The following TYR variants were observed in gnomAD, a reference collection of about 807,000 sequenced individuals.
TYR encodes the protein LB24-AB.
A neutral mutation model predicts 51.5 loss-of-function variants in TYR; 58 were observed. The ratio of observed to expected loss-of-function variants is 1.13; its 90% CI spans 0.91 to 1.40. The LOEUF (loss-of-function observed/expected upper bound fraction) is 1.40, where lower values mean the gene tolerates loss of function less well. Ranked by LOEUF, TYR falls within the 40% of genes most tolerant of loss-of-function variation. The probability of loss-of-function intolerance (pLI) is 0.00; values close to 1 mark genes in which losing one functional copy is unlikely to be tolerated. For missense variants in TYR, 732 were observed against 647.4 expected, an observed-to-expected ratio of 1.13 and a Z score of -1.42; for synonymous variants, 263 against 235.2, an observed-to-expected ratio of 1.12 and a Z score of -1.08.
At chr11:89,284,346 C>T (rs1252741185) in intron 3 of TYR, among the ~76,000 whole-genome samples, 1 of 151,766 alleles carries the variant, frequency 6.6e-6, no homozygotes, top group Non-Finnish European at 1.5e-5. Flanking sequence ...TCATTGAAAG[C>T]CTCCCACCAG....
At chr11:89,237,818 A>G (rs1458529696) in intron 3 of TYR, among the ~76,000 whole-genome samples, 1 of 151,422 alleles carries the variant, frequency 6.6e-6, no homozygotes, top group South Asian at 2.1e-4. Context: ...CAAATTTTGT[A>G]TTTTATTATT....
At chr11:89,209,749 C>T (rs1360223974) in intron 2 of TYR, among the ~76,000 whole-genome samples, 5 of 152,054 alleles carry the variant, frequency 3.3e-5, no homozygotes, top group African/African-American at 9.7e-5. Flanking sequence ...CCCTCTGGGA[C>T]GAAGCTTCCA....
intron 1 of TYR, 69 bp downstream of exon 1, chr11:89,178,841 A>G: frequency 6.6e-7 from 1 of 1,525,828 alleles, no homozygotes; most frequent in South Asian, 1.1e-5. Flanking sequence ...CAGGCAGGGT[A>G]TAAACTTCTC....
chr11:89,215,184 G>T (rs1257346407), intron 2 of TYR, among the ~76,000 whole-genome samples: 1 of 152,226 alleles, frequency 6.6e-6, no homozygotes, highest in South Asian at 2.1e-4. Context: ...ATTTTATAAA[G>T]AATTACTTGG....
intron 3 of TYR, among the ~76,000 whole-genome samples, chr11:89,256,921 C>T: frequency 6.6e-6 from 1 of 151,772 alleles, no homozygotes; most frequent in East Asian, 1.9e-4. Context: ...AGAACTAGAT[C>T]TCAGATTTTT....
intron 2 of TYR, among the ~76,000 whole-genome samples, chr11:89,222,277 AC>A (rs1943921882): frequency 1.3e-5 from 2 of 152,246 alleles, no homozygotes; most frequent in African/African-American, 4.8e-5. Context: ...TGTTAGAACG[AC>A]CCGGAGTGGT....
chr11:89,267,678 T>A (rs1054890377), intron 3 of TYR, among the ~76,000 whole-genome samples: 5 of 152,130 alleles, frequency 3.3e-5, no homozygotes, highest in African/African-American at 1.2e-4. Flanking sequence ...TCTATGGACA[T>A]AGCAGTGAAC....
At chr11:89,293,030 T>TACA (rs1944867389) in intron 4 of TYR, among the ~76,000 whole-genome samples, 1 of 152,160 alleles carries the variant, frequency 6.6e-6, no homozygotes, top group Admixed American at 6.5e-5. Context: ...GGGAGGTTGT[T>TACA]GGTAGTAATA....
intron 2 of TYR, among the ~76,000 whole-genome samples, chr11:89,214,411 G>A (rs1180164685): frequency 6.6e-6 from 1 of 152,166 alleles, no homozygotes; most frequent in Non-Finnish European, 1.5e-5. Flanking sequence ...TAGAGAAATA[G>A]GAACCCTTTT....
chr11:89,271,412 T>C (rs1298630287), intron 3 of TYR, among the ~76,000 whole-genome samples: 1 of 151,958 alleles, frequency 6.6e-6, no homozygotes, highest in African/African-American at 2.4e-5. Flanking sequence ...TATATTGTAG[T>C]ATATTTATGG....
chr11:89,237,499 A>T (rs1042778969), intron 3 of TYR, among the ~76,000 whole-genome samples: 3 of 152,288 alleles, frequency 2.0e-5, no homozygotes, highest in Admixed American at 6.5e-5. Flanking sequence ...AAAATCAATC[A>T]TAAATGCTTG....
At chr11:89,270,044 A>G (rs1205215366) in intron 3 of TYR, among the ~76,000 whole-genome samples, 1 of 151,784 alleles carries the variant, frequency 6.6e-6, no homozygotes, top group Non-Finnish European at 1.5e-5. Context: ...TGCATGGCTT[A>G]AAATCCTCCA....
chr11:89,234,892 CAT>C (rs150889713), intron 3 of TYR, among the ~76,000 whole-genome samples: 3,138 of 151,404 alleles, frequency 0.021, 102 homozygotes, highest in African/African-American at 0.07. Flanking sequence ...AAAGTGAACA[CAT>C]GTTGGAAAAA....
intron 2 of TYR, among the ~76,000 whole-genome samples, chr11:89,222,235 G>C (rs909316156): frequency 6.6e-6 from 1 of 152,168 alleles, no homozygotes; most frequent in East Asian, 1.9e-4. Flanking sequence ...GATCAGTCCA[G>C]CTTAATTCAG....
At chr11:89,197,727 C>T (rs1943539871) in intron 2 of TYR, among the ~76,000 whole-genome samples, 1 of 151,916 alleles carries the variant, frequency 6.6e-6, no homozygotes, top group African/African-American at 2.4e-5. Context: ...GAATCAGAAG[C>T]TCTCGGTGAC....
chr11:89,277,692 C>T (rs1163131601), intron 3 of TYR, among the ~76,000 whole-genome samples: 2 of 151,674 alleles, frequency 1.3e-5, no homozygotes, highest in East Asian at 3.9e-4. Flanking sequence ...GTAATACAAA[C>T]ACTTTGCTCA....
chr11:89,281,680 A>C (rs182444327), intron 3 of TYR, among the ~76,000 whole-genome samples: 1 of 151,924 alleles, frequency 6.6e-6, no homozygotes. Flanking sequence ...TGGGTCCAAG[A>C]AAATTTGTTG....
At chr11:89,186,115 G>A (rs572639022) in intron 1 of TYR, among the ~76,000 whole-genome samples, 1 of 152,254 alleles carries the variant, frequency 6.6e-6, no homozygotes, top group African/African-American at 2.4e-5. Context: ...GAATGGAGAA[G>A]CACAAGCAGT....
intron 2 of TYR, among the ~76,000 whole-genome samples, chr11:89,197,574 C>T (rs148480107): frequency 6.0e-4 from 91 of 152,206 alleles, no homozygotes; most frequent in African/African-American, 2.2e-3. Flanking sequence ...TTGATATTAT[C>T]CTACCTATAC....
Sources: allele counts gnomAD v4.1 joint callset (sites outside exome capture counted in the v4.1 genomes callset), GRCh38; gene constraint gnomAD v4.1.1; transcripts MANE v1.5; gene names NCBI Gene and HGNC (gene_info 2026-07-23, HGNC 2026-07-21).